PLEKHG1: variants seen among roughly 807,000 people sequenced by gnomAD.
The protein encoded by PLEKHG1 is pleckstrin homology and RhoGEF domain containing G1.
PLEKHG1 carries 44 observed loss-of-function variants against 100.8 expected under a neutral mutation model. The observed-to-expected ratio is 0.44, with a 90% CI of 0.34 to 0.56. The LOEUF is 0.56. Ranked by LOEUF, PLEKHG1 falls within the 20% of genes least tolerant of loss-of-function variation. The pLI is 0.01. For synonymous variants in PLEKHG1, 640 were observed against 662.5 expected (o/e 0.97, Z 0.52); for missense variants, 1,545 against 1,720.9 (o/e 0.90, Z 1.81).
In PLEKHG1 at chr6:150,834,095, G is replaced by A. The variant is rs1046525217; in HGVS notation, c.3094+1890G>A. On this transcript the variant is annotated intron_variant, in intron 15 of 15. Coordinates refer to ENST00000358517, the Ensembl canonical transcript of PLEKHG1. Reference sequence around the variant, plus strand: ...ATTTCTTAACAGATAGGGAAACAAAGTGCTGGAATTGATGCCTGAAGGATT... The same window carrying A: ...ATTTCTTAACAGATAGGGAAACAAAATGCTGGAATTGATGCCTGAAGGATT... Among the ~76,000 whole-genome samples, 11 of 152,236 alleles carry A rather than the reference G, an allele frequency of 7.2e-5. No homozygotes were observed. In the South Asian group the frequency reaches 1.7e-3, roughly 23 times the overall value.
At position 150,818,392 on chromosome 6, in the gene PLEKHG1, A is replaced by G. The variant is rs191074118; in HGVS notation, c.1312+176A>G. Among the ~76,000 whole-genome samples, 487 of 152,260 alleles carry G rather than the reference A, an allele frequency of 3.2e-3. 4 individuals carry two copies. The highest frequency in any genetic ancestry group is 6.0e-3 in the Non-Finnish European group (407 of 68,018). On this transcript the variant is annotated intron_variant, in intron 11 of 15. Coordinates refer to ENST00000358517, the Ensembl canonical transcript of PLEKHG1. ...CTTCTAAGCACATTGACTTGTTTCT[A>G]CATTGGTTCTCCCAGGTTTATCTGA...
At chr6:150,666,762 AT>A (rs556659789) in intron 3 of PLEKHG1, among the ~76,000 whole-genome samples, 3,707 of 142,862 alleles carry the variant, frequency 0.026, 117 homozygotes, top group African/African-American at 0.077. Context: ...TGCATTGATA[AT>A]TTTTTTTTTT....
At position 150,655,345 on chromosome 6, in the gene PLEKHG1, C is replaced by T. The variant is rs564662139; in HGVS notation, c.-99+4559C>T. On this transcript the variant is annotated intron_variant, in intron 3 of 3. Transcript: ENST00000367326. ...AACACATGCACACGTATATTTATTG[C>T]GGCACTGCTCACAATAGTGAAGACT... Among the ~76,000 whole-genome samples the T allele has an allele frequency of 9.2e-5, 14 of 152,240 alleles. 1 individual carries two copies. The highest frequency in any genetic ancestry group is 4.1e-4 in the South Asian group (2 of 4,824).
intron 3 of PLEKHG1, among the ~76,000 whole-genome samples, chr6:150,693,426 C>T (rs1780421733): frequency 6.6e-6 from 1 of 152,208 alleles, no homozygotes. Context: ...CTTGTGTCAG[C>T]AAACAAAATC....
chr6:150,820,592 C>T (rs898036951), intron 12 of PLEKHG1, among the ~76,000 whole-genome samples: 30 of 151,882 alleles, frequency 2.0e-4, no homozygotes, highest in African/African-American at 4.8e-4. Context: ...AGGCCGGGCG[C>T]GGTGGCTCAC....
intron 15 of PLEKHG1, among the ~76,000 whole-genome samples, chr6:150,837,253 GCA>G (rs776539778): frequency 4.6e-5 from 7 of 152,030 alleles, no homozygotes; most frequent in Non-Finnish European, 7.3e-5. Context: ...GTGTGTGTGT[GCA>G]CACACAGGCA....
chr6:150,655,142 A>C (rs1778913977), intron 3 of PLEKHG1, among the ~76,000 whole-genome samples: 1 of 152,238 alleles, frequency 6.6e-6, no homozygotes, highest in Non-Finnish European at 1.5e-5. Flanking sequence ...TTCCTTTAAA[A>C]AAGTCTCCTA....
chr6:150,832,189 A>C (rs777361557), exon 15 of PLEKHG1: 2 of 1,597,166 alleles, frequency 1.3e-6, no homozygotes, highest in Admixed American at 3.5e-5. Context: ...AGAAGAAGCA[A>C]GGAGGGCCCG....
At chr6:150,604,453 C>A (rs1208964378) in intron 1 of PLEKHG1, among the ~76,000 whole-genome samples, 1 of 152,200 alleles carries the variant, frequency 6.6e-6, no homozygotes, top group African/African-American at 2.4e-5. Context: ...GTTTACAACC[C>A]TTTAAAAATG....
intron 3 of PLEKHG1, among the ~76,000 whole-genome samples, chr6:150,773,030 A>G: frequency 6.6e-6 from 1 of 152,300 alleles, no homozygotes; most frequent in East Asian, 1.9e-4. Context: ...AGTTTGACTA[A>G]GTATACTTTT....
intron 7 of PLEKHG1, among the ~76,000 whole-genome samples, chr6:150,806,829 C>CAAAA (rs3072754): frequency 1.9e-4 from 17 of 90,184 alleles, no homozygotes; most frequent in Non-Finnish European, 2.7e-4. Context: ...GACTCCATCT[C>CAAAA]AAAAAAAAAA....
chr6:150,819,233 A>G (rs1357251096), intron 11 of PLEKHG1, among the ~76,000 whole-genome samples: 1 of 151,518 alleles, frequency 6.6e-6, no homozygotes. Context: ...AGCAGCAATT[A>G]TGGGAGGAGG....
At chr6:150,634,799 A>G (rs1300721786) in intron 1 of PLEKHG1, among the ~76,000 whole-genome samples, 2 of 152,240 alleles carry the variant, frequency 1.3e-5, no homozygotes, top group African/African-American at 4.8e-5. Context: ...GAGATACGTC[A>G]TCATTTTCAT....
Position 150,840,228 on chromosome 6 carries a change from AACTCCTTG to A in PLEKHG1, c.3491_3498del (p.Asn1164ArgfsTer8). The A allele has an allele frequency of 6.2e-7, 1 of 1,614,200 alleles. No individual in the cohort carries two copies. The highest frequency in any genetic ancestry group is 1.1e-5 in the South Asian group (1 of 91,084). ...GAACTGGTGTCAGGACCATCTTTAC[AACTCCTTG>A]GGTCGGAAAGGGATCAGCGCTAAAT... On this transcript the variant is annotated frameshift_variant, in exon 16 of 16. Coordinates refer to ENST00000358517, the Ensembl canonical transcript of PLEKHG1. LOFTEE classifies it low-confidence loss of function (END_TRUNC).
chr6:150,631,966 C>A (rs1279656304), intron 1 of PLEKHG1, among the ~76,000 whole-genome samples: 1 of 152,238 alleles, frequency 6.6e-6, no homozygotes, highest in Admixed American at 6.5e-5. Context: ...TGCCACCAAC[C>A]TGTCCACCAG....
At chr6:150,768,782 G>A (rs1355952144) in intron 3 of PLEKHG1, 44 bp downstream of exon 4, 1 of 1,154,110 alleles carries the variant, frequency 8.7e-7, no homozygotes, top group Non-Finnish European at 1.3e-6. Flanking sequence ...CGAGCATTAT[G>A]AAAATTTCTC....
chr6:150,703,592 C>A (rs1780885912), intron 3 of PLEKHG1, among the ~76,000 whole-genome samples: 1 of 146,402 alleles, frequency 6.8e-6, no homozygotes, highest in Non-Finnish European at 1.5e-5. Flanking sequence ...CAGAGCAAGA[C>A]TCCATCTTAA....
At chr6:150,621,628 G>C (rs996326412) in intron 1 of PLEKHG1, among the ~76,000 whole-genome samples, 1 of 152,146 alleles carries the variant, frequency 6.6e-6, no homozygotes, top group African/African-American at 2.4e-5. Flanking sequence ...TCCAGCCTTA[G>C]CCTCCCAAAG....
intron 3 of PLEKHG1, among the ~76,000 whole-genome samples, chr6:150,686,166 G>A (rs1377133850): frequency 2.6e-5 from 4 of 152,230 alleles, no homozygotes; most frequent in African/African-American, 9.6e-5. Flanking sequence ...TCAGGATGAG[G>A]CACCTCTACC....
Sources: allele counts gnomAD v4.1 joint callset (sites outside exome capture counted in the v4.1 genomes callset), GRCh38; gene constraint gnomAD v4.1.1; transcripts MANE v1.5; gene names NCBI Gene and HGNC (gene_info 2026-07-23, HGNC 2026-07-21).